Variants in TAB3 observed in about 807,000 individuals in gnomAD.
TAB3 encodes TGF-beta activated kinase 1 (MAP3K7) binding protein 3, also known as TGF-beta-activated kinase 1 and MAP3K7-binding protein 3.
TAB3 carries 18 observed loss-of-function variants against 48.1 expected under a neutral mutation model. The observed-to-expected ratio is 0.37, with a 90% CI of 0.26 to 0.55. The LOEUF (loss-of-function observed/expected upper bound fraction) is 0.55. Among genes scored for constraint, TAB3 ranks in the 20% least tolerant of loss-of-function variants. The pLI is 0.78. For synonymous variants in TAB3, 185 were observed against 190.2 expected (o/e 0.97, Z 0.22); for missense variants, 414 against 549.8 (o/e 0.75, Z 2.47).
At position 30,855,560 on chromosome X, in the gene TAB3, ATTCTAGGGG is replaced by A; in HGVS notation, c.103-7_104del. On this transcript the variant is annotated splice_acceptor_variant and splice_polypyrimidine_tract_variant and coding_sequence_variant and intron_variant, in exon 6 of 11. Transcript: ENST00000288422. LOFTEE classifies it high-confidence loss of function. ...GGCAACAGGCTTCAAGATTGTTGTT[ATTCTAGGGG>A]AGAAAAATGGTAAAAGTAACATTGG... is the stretch of plus-strand genomic sequence containing the variant. 1 of 1,172,017 alleles carries A rather than the reference ATTCTAGGGG, an allele frequency of 8.5e-7. No homozygotes were observed. Among genetic ancestry groups the A allele is most frequent in the Admixed American group, 2.5e-5 (1 of 39,385 alleles).
At chrX:30,862,773 G>A (rs573110841) in intron 4 of TAB3, among the ~76,000 whole-genome samples, 62 of 111,931 alleles carry the variant, frequency 5.5e-4, no homozygotes, top group Middle Eastern at 9.3e-3. Context: ...CTGCTCCAAA[G>A]TCTGTGTTCT....
chrX:30,852,052 G>A (rs904610693), intron 7 of TAB3, among the ~76,000 whole-genome samples: 3 of 112,319 alleles, frequency 2.7e-5, no homozygotes, highest in African/African-American at 9.7e-5. Flanking sequence ...GTACCACATT[G>A]CATAAACTAT....
chrX:30,876,626 C>T (rs1939845527), intron 1 of TAB3, among the ~76,000 whole-genome samples: 1 of 111,277 alleles, frequency 9.0e-6, no homozygotes. Flanking sequence ...CCACCTCAGT[C>T]TCCTGAGTAG....
At chrX:30,844,888 C>G (rs1387504199) in intron 8 of TAB3, 1 of 112,746 alleles carries the variant, frequency 8.9e-6, no homozygotes, top group African/African-American at 3.2e-5. Flanking sequence ...GCGGTGTGAT[C>G]ACGGCTCACT....
At chrX:30,873,672 C>T (rs1294873150) in intron 1 of TAB3, among the ~76,000 whole-genome samples, 3 of 111,818 alleles carry the variant, frequency 2.7e-5, no homozygotes, top group African/African-American at 9.8e-5. Context: ...AAGATGACAA[C>T]GATGAAGACC....
At chrX:30,853,138 C>T (rs867696986) in intron 6 of TAB3, among the ~76,000 whole-genome samples, 200 bp from the exon 7 acceptor site, 3 of 112,252 alleles carry the variant, frequency 2.7e-5, no homozygotes, top group African/African-American at 9.7e-5. Flanking sequence ...ATCACCTGAA[C>T]ATCCCTCTTG....
intron 2 of TAB3, among the ~76,000 whole-genome samples, chrX:30,870,723 C>T (rs1036643498): frequency 1.8e-5 from 2 of 112,564 alleles, no homozygotes; most frequent in African/African-American, 6.5e-5. Context: ...CATTTGGCAA[C>T]GTCTGAAGAT....
intron 1 of TAB3, among the ~76,000 whole-genome samples, chrX:30,886,335 A>ATT (rs11286233): frequency 3.3e-4 from 35 of 105,542 alleles, no homozygotes; most frequent in African/African-American, 9.6e-4. Flanking sequence ...TCATTTGTTG[A>ATT]TTTTTTTTTT....
intron 4 of TAB3, among the ~76,000 whole-genome samples, chrX:30,860,233 T>A (rs1042770304): frequency 3.6e-5 from 4 of 112,150 alleles, no homozygotes; most frequent in African/African-American, 3.2e-5. Flanking sequence ...TTGGTAAACA[T>A]GCAGGAGTGC....
At chrX:30,848,527 C>A (rs1938712888) in intron 7 of TAB3, among the ~76,000 whole-genome samples, 1 of 110,997 alleles carries the variant, frequency 9.0e-6, no homozygotes, top group African/African-American at 3.3e-5. Flanking sequence ...GTCTCAGAAA[C>A]AACAAACATA....
rs1383802942 is a variant in TAB3, at chrX:30,859,365, C to CACACACACACACAT, written c.102+121_102+122insATGTGTGTGTGTGT. 6.3e-6 allele frequency: 3 copies of CACACACACACACAT among 477,126 alleles called. No homozygotes were observed. The African/African-American group carries it at 7.8e-5, about 12-fold the overall frequency. 39.3% of individuals were successfully genotyped at this position (477,126 alleles called of 1,213,427 possible). On this transcript the variant is annotated intron_variant, in intron 5 of 10. Coordinates refer to ENST00000288422, the MANE Select transcript of TAB3 (RefSeq NM_152787.5). ...AGGTTGAGGGAAATCCTGCTCCACACACACACACACACACACACACACACA... is the reference window on the plus strand; with the variant it reads ...AGGTTGAGGGAAATCCTGCTCCACACACACACACACACATACACACACACACACACACACACACA...
intron 1 of TAB3, among the ~76,000 whole-genome samples, chrX:30,874,528 A>G (rs1939766755): frequency 1.8e-5 from 2 of 112,282 alleles, no homozygotes; most frequent in Admixed American, 9.4e-5. Flanking sequence ...AAACGTTCAA[A>G]TGTCAAGTAC....
intron 8 of TAB3, chrX:30,844,391 A>G (rs1053011758): frequency 8.9e-6 from 1 of 112,193 alleles, no homozygotes; most frequent in Non-Finnish European, 1.9e-5. Context: ...TCTGAAAATA[A>G]TTGCTGTGAT....
Position 30,854,680 on chromosome X carries a change from G to A in TAB3, c.985C>T (p.Pro329Ser), listed in dbSNP as rs1938997396. 2.5e-6 allele frequency: 3 copies of A among 1,211,581 alleles called. No individual in the cohort carries two copies. Among genetic ancestry groups the A allele is most frequent in the Admixed American group, 2.2e-5 (1 of 46,038 alleles). ...IFMPPSPSTT[P>S]PHPYQQGPPS... is the part of the protein sequence containing the mutation. ...GGTCCTTGTTGATATGGATGGGGTG[G>A]AGTAGTTGAAGGACTAGGTGGCATA... Residue 329 changes from proline to serine, a missense_variant, in exon 6 of 11, where the codon CCA (proline) becomes TCA (serine). Coordinates refer to ENST00000288422, the MANE Select transcript of TAB3 (RefSeq NM_152787.5).
intron 1 of TAB3, among the ~76,000 whole-genome samples, chrX:30,881,082 C>T (rs12396128): frequency 0.048 from 5,387 of 111,119 alleles, 316 homozygotes; most frequent in African/African-American, 0.17. Context: ...CAACTACATA[C>T]GATATAAATA....
At chrX:30,851,529 A>G (rs941215675) in intron 7 of TAB3, among the ~76,000 whole-genome samples, 11 of 111,932 alleles carry the variant, frequency 9.8e-5, no homozygotes, top group African/African-American at 3.6e-4. Flanking sequence ...CTCCAATGTA[A>G]TAATCTTATG....
intron 10 of TAB3, 98 bp from the exon 11 acceptor site, chrX:30,831,673 A>G: frequency 2.0e-6 from 2 of 980,483 alleles, no homozygotes; most frequent in Non-Finnish European, 2.7e-6. Flanking sequence ...ACAAAAATCA[A>G]GGGAGGTAAT....
chrX:30,882,735 A>G (rs1018222673), intron 1 of TAB3, among the ~76,000 whole-genome samples: 2 of 112,284 alleles, frequency 1.8e-5, no homozygotes, highest in African/African-American at 6.5e-5. Context: ...TCAGTGCAAC[A>G]TGGTATCCTG....
chrX:30,836,003 T>G (rs757004675), intron 9 of TAB3: 1 of 112,390 alleles, frequency 8.9e-6, no homozygotes, highest in Non-Finnish European at 1.9e-5. Flanking sequence ...CTAAACTATA[T>G]GTACTTTTAG....
Sources: allele counts gnomAD v4.1 joint callset (sites outside exome capture counted in the v4.1 genomes callset), GRCh38; gene constraint gnomAD v4.1.1; transcripts MANE v1.5; gene names NCBI Gene and HGNC (gene_info 2026-07-23, HGNC 2026-07-21).